Variants in C10orf67 observed in about 807,000 individuals in gnomAD.
C10orf67 encodes chromosome 10 open reading frame 67.
In C10orf67, 60 loss-of-function variants were observed where a neutral mutation model predicts 35.6. The observed-to-expected ratio is 1.68, with a 90% CI of 1.37 to 2.09. C10orf67 has a LOEUF of 2.09. Among genes scored for constraint, C10orf67 ranks in the 30% most tolerant of loss-of-function variants. The pLI, the probability that C10orf67 is intolerant of heterozygous loss-of-function variation, is 0.00. For missense variants in C10orf67, 474 were observed against 330.2 expected (o/e 1.44, Z -3.38); for synonymous variants, 167 against 115.8 (o/e 1.44, Z -2.84).
chr10:23,202,559 A>G (rs1249853966), downstream of C10orf67: 1 of 152,202 alleles, frequency 6.6e-6, no homozygotes, highest in Non-Finnish European at 1.5e-5. Context: ...AAAAAAGTAA[A>G]AAGGCTGCAA....
At position 23,294,712 on chromosome 10, in the gene C10orf67, CTTGT is replaced by C. The variant is rs559716429; in HGVS notation, c.703-3437_703-3434del. Among the ~76,000 whole-genome samples, 39 of 152,126 alleles carry C rather than the reference CTTGT, an allele frequency of 2.6e-4. No individual in the cohort carries two copies. In the South Asian group the frequency reaches 5.8e-3, roughly 23 times the overall value. On this transcript the variant is annotated intron_variant, in intron 5 of 15. Coordinates refer to ENST00000636213, the MANE Select transcript of C10orf67 (RefSeq NM_001371909.1). ...ATAACTGTAGATAAACTAAATAAAA[CTTGT>C]TTATTTCACTTTTTTTTTCAACTTA...
intron 15 of C10orf67, among the ~76,000 whole-genome samples, chr10:23,214,284 T>C (rs1345622958): frequency 6.6e-6 from 1 of 152,058 alleles, no homozygotes; most frequent in Non-Finnish European, 1.5e-5. Context: ...ATTAGAAGAA[T>C]AAAGAATGTC....
intron 12 of C10orf67, among the ~76,000 whole-genome samples, chr10:23,245,858 C>T (rs956007977): frequency 2.0e-5 from 3 of 152,158 alleles, no homozygotes; most frequent in Admixed American, 6.5e-5. Context: ...TGGGTATATA[C>T]CCAAAGGAGT....
At chr10:23,296,832 G>A (rs1171965938) in intron 5 of C10orf67, among the ~76,000 whole-genome samples, 3 of 152,174 alleles carry the variant, frequency 2.0e-5, no homozygotes, top group African/African-American at 7.2e-5. Flanking sequence ...GAAATGTATG[G>A]CCTGCAGTGC....
chr10:23,295,791 T>C (rs1289151893), intron 5 of C10orf67, among the ~76,000 whole-genome samples: 1 of 152,158 alleles, frequency 6.6e-6, no homozygotes, highest in East Asian at 1.9e-4. Flanking sequence ...CAAAGGCAAA[T>C]GCAAAAATTG....
In C10orf67 at chr10:23,245,648, A is replaced by G. The variant is rs377347717; in HGVS notation, c.1346+4807T>C. 1.9e-4 allele frequency among the ~76,000 whole-genome samples: 29 copies of G among 152,332 alleles called. No homozygotes were observed. In the South Asian group the frequency reaches 4.3e-3, roughly 23 times the overall value. On this transcript the variant is annotated intron_variant, in intron 12 of 15. Coordinates refer to ENST00000636213, the MANE Select transcript of C10orf67 (RefSeq NM_001371909.1). ...CAGGAAAATTCAAATCAAAACCACA[A>G]TAAGATATCACCTCACTCTTGTTAG...
chr10:23,277,955 A>G (rs1203202594), intron 8 of C10orf67, among the ~76,000 whole-genome samples: 1 of 152,162 alleles, frequency 6.6e-6, no homozygotes, highest in Non-Finnish European at 1.5e-5. Flanking sequence ...AAGGGGGAGC[A>G]GGTGTCTCAC....
intron 7 of C10orf67, among the ~76,000 whole-genome samples, chr10:23,287,545 C>T (rs1204035378): frequency 1.3e-5 from 2 of 152,044 alleles, no homozygotes; most frequent in Non-Finnish European, 2.9e-5. Context: ...TAGGCAATAC[C>T]ATTCAGGACA....
intron 9 of C10orf67, among the ~76,000 whole-genome samples, chr10:23,266,642 T>A (rs1842890096): frequency 6.6e-6 from 1 of 151,920 alleles, no homozygotes; most frequent in African/African-American, 2.4e-5. Flanking sequence ...CCCCCTTTAA[T>A]CCTCATGTCC....
intron 2 of C10orf67, among the ~76,000 whole-genome samples, chr10:23,325,933 C>T (rs2132357371): frequency 6.6e-6 from 1 of 152,066 alleles, no homozygotes; most frequent in Non-Finnish European, 1.5e-5. Context: ...ACTGAAAGTA[C>T]TTAACAGAAG....
At chr10:23,323,952 T>TACACACACACACAC (rs747699026) in intron 2 of C10orf67, among the ~76,000 whole-genome samples, 2 of 64,698 alleles carry the variant, frequency 3.1e-5, no homozygotes, top group Admixed American at 1.8e-4. Flanking sequence ...TATATATATA[T>TACACACACACACAC]ACACACACAC....
chr10:23,277,947 G>C (rs1178697867), intron 8 of C10orf67, among the ~76,000 whole-genome samples: 1 of 152,178 alleles, frequency 6.6e-6, no homozygotes, highest in African/African-American at 2.4e-5. Flanking sequence ...GGAAGGTGAA[G>C]GGGGAGCAGG....
intron 10 of C10orf67, among the ~76,000 whole-genome samples, chr10:23,261,594 G>A (rs1170099078): frequency 6.6e-6 from 1 of 152,160 alleles, no homozygotes. Flanking sequence ...TTACAGGTGT[G>A]AGCAGCCACC....
At chr10:23,253,365 T>C (rs2132164099) in intron 10 of C10orf67, among the ~76,000 whole-genome samples, 1 of 152,280 alleles carries the variant, frequency 6.6e-6, no homozygotes, top group African/African-American at 2.4e-5. Context: ...ACCTATTTGT[T>C]CTCAAAGGGC....
chr10:23,227,673 G>T (rs1414152648), intron 13 of C10orf67, among the ~76,000 whole-genome samples: 3 of 152,150 alleles, frequency 2.0e-5, no homozygotes, highest in African/African-American at 7.2e-5. Context: ...TGACATGATT[G>T]TATATCTAGA....
intron 7 of C10orf67, among the ~76,000 whole-genome samples, chr10:23,286,658 AG>A (rs1017679462): frequency 1.3e-5 from 2 of 149,398 alleles, no homozygotes; most frequent in Non-Finnish European, 3.0e-5. Flanking sequence ...GGGAGAAAGG[AG>A]GGAGGAAAGG....
intron 15 of C10orf67, among the ~76,000 whole-genome samples, chr10:23,212,407 C>T (rs1165473954): frequency 6.6e-6 from 1 of 152,148 alleles, no homozygotes; most frequent in Non-Finnish European, 1.5e-5. Context: ...CTGCAGAAAC[C>T]CATCCTGATG....
At chr10:23,328,403 C>A (rs1206928328) in intron 2 of C10orf67, among the ~76,000 whole-genome samples, 1 of 148,744 alleles carries the variant, frequency 6.7e-6, no homozygotes, top group African/African-American at 2.4e-5. Flanking sequence ...ATAGCTATTA[C>A]CACTCCTCCC....
Position 23,264,465 on chromosome 10 carries a change from C to T in C10orf67, c.1200+1797G>A, listed in dbSNP as rs1287032870. Among the ~76,000 whole-genome samples, 4 of 152,192 alleles carry T rather than the reference C, an allele frequency of 2.6e-5. No individual in the cohort carries two copies. The East Asian group carries it at 7.7e-4, about 29-fold the overall frequency. On this transcript the variant is annotated intron_variant, in intron 10 of 15. Coordinates refer to ENST00000636213, the MANE Select transcript of C10orf67 (RefSeq NM_001371909.1). ...GACAAAATGTACTGTTTGGAGATAC[C>T]CAGGCCACAATCATTAGAGTCACAG...
Sources: gnomAD v4.1 joint callset for allele counts (sites outside exome capture counted in the v4.1 genomes callset) on GRCh38, gnomAD v4.1.1 for gene constraint, MANE v1.5 for transcripts, NCBI Gene and HGNC (gene_info 2026-07-23, HGNC 2026-07-21) for gene names.